The following CCM2L variants were observed in gnomAD, a reference collection of about 807,000 sequenced individuals.
The protein encoded by CCM2L is CCM2 like scaffold protein, also known as cerebral cavernous malformations 2 protein-like.
Under a neutral mutation model 54.1 loss-of-function variants are expected in CCM2L, and 36 were observed. That is an observed-to-expected ratio of 0.67 (90% CI 0.51 to 0.88). The LOEUF is 0.88. CCM2L is among the 40% of genes least tolerant of loss of function. The pLI is 0.00. For synonymous variants in CCM2L, 351 were observed against 359.3 expected (o/e 0.98, Z 0.26); for missense variants, 700 against 812.1 (o/e 0.86, Z 1.68).
chr20:32,017,665 A>G, intron 2 of CCM2L, 135 bp from the exon 3 acceptor site: 1 of 784,398 alleles, frequency 1.3e-6, no homozygotes, highest in Non-Finnish European at 2.2e-6. Flanking sequence ...GGGCTCAGTA[A>G]AAGTTATTAT....
chr20:32,018,193 GGGCGGGGGCGGGGGCGGGGGA>G, intron 4 of CCM2L, 31 bp downstream of exon 4: 1 of 222,608 alleles, frequency 4.5e-6, no homozygotes, highest in South Asian at 3.9e-5. Context: ...GGCGGGGGAG[GGGCGGGGGCGGGGGCGGGGGA>G]GGGGCGGGGG....
intron 1 of CCM2L, among the ~76,000 whole-genome samples, chr20:32,013,904 G>A (rs1368311318): frequency 2.0e-5 from 3 of 152,160 alleles, no homozygotes; most frequent in African/African-American, 7.2e-5. Context: ...GGTCTGGGAT[G>A]GGGCCTGATA....
chr20:32,020,387 C>T (rs1431189414), intron 5 of CCM2L, among the ~76,000 whole-genome samples: 2 of 152,204 alleles, frequency 1.3e-5, no homozygotes, highest in African/African-American at 4.8e-5. Flanking sequence ...CTGGTTCCTC[C>T]TCTTCTTCAG....
At chr20:32,012,099 T>C (rs531820835) in intron 1 of CCM2L, among the ~76,000 whole-genome samples, 23 of 152,078 alleles carry the variant, frequency 1.5e-4, no homozygotes, top group Non-Finnish European at 2.8e-4. Context: ...CCCAGATAGT[T>C]TCTTCTCATT....
At chr20:32,029,253 G>T in intron 8 of CCM2L, 129 bp downstream of exon 8, 2 of 1,338,098 alleles carry the variant, frequency 1.5e-6, no homozygotes, top group Non-Finnish European at 2.1e-6. Flanking sequence ...CAGGAAATGA[G>T]GTTAGGAGAG....
intron 2 of CCM2L, among the ~76,000 whole-genome samples, chr20:32,017,233 A>AT (rs2064748222): frequency 6.6e-6 from 1 of 152,180 alleles, no homozygotes; most frequent in Non-Finnish European, 1.5e-5. Context: ...TTAGTGCATC[A>AT]TTTTTCCTGA....
intron 6 of CCM2L, among the ~76,000 whole-genome samples, chr20:32,024,888 C>T (rs1199474286): frequency 6.6e-6 from 1 of 152,196 alleles, no homozygotes; most frequent in Non-Finnish European, 1.5e-5. Context: ...CTGGCCCCAC[C>T]TGGAGGGTAA....
intron 1 of CCM2L, among the ~76,000 whole-genome samples, chr20:32,014,417 C>T (rs965477746): frequency 3.9e-5 from 6 of 152,022 alleles, no homozygotes; most frequent in Admixed American, 2.6e-4. Context: ...AGGCTCCTGG[C>T]ACAACGCCTG....
In CCM2L at chr20:32,019,326, C is replaced by A; in HGVS notation, c.850C>A (p.His284Asn). ...CGGGGGAGGCAGCTGGGAGCGGCGC[C>A]ACCCCGGCCCCAACCCGCTCGACCC... is the stretch of plus-strand genomic sequence containing the variant. ...SGGGGSWERR[H>N]PGPNPLDPQD... Residue 284 changes from histidine (H) to asparagine (N), a missense_variant, in exon 5 of 10, where the codon CAC becomes AAC. Coordinates refer to ENST00000452892, the MANE Select transcript of CCM2L (RefSeq NM_001365692.1). 6 of 1,379,122 alleles carry A rather than the reference C, an allele frequency of 4.4e-6. No individual in the cohort carries two copies. Among genetic ancestry groups the A allele is most frequent in the Non-Finnish European group, 5.6e-6 (6 of 1,064,136 alleles). 85.4% of individuals were successfully genotyped at this position (1,379,122 alleles called of 1,614,324 possible).
At chr20:32,017,116 C>A (rs1220968196) in intron 2 of CCM2L, among the ~76,000 whole-genome samples, 1 of 152,152 alleles carries the variant, frequency 6.6e-6, no homozygotes, top group African/African-American at 2.4e-5. Flanking sequence ...CCATTGAACC[C>A]CAGCCTGAGT....
At chr20:32,024,581 C>T (rs1370397848) in intron 6 of CCM2L, among the ~76,000 whole-genome samples, 1 of 152,172 alleles carries the variant, frequency 6.6e-6, no homozygotes, top group Non-Finnish European at 1.5e-5. Flanking sequence ...AATCCCAGCA[C>T]TTTGGGAGGC....
chr20:32,024,792 A>T (rs550170068), intron 6 of CCM2L, among the ~76,000 whole-genome samples: 1 of 152,302 alleles, frequency 6.6e-6, no homozygotes, highest in African/African-American at 2.4e-5. Context: ...ACACCACTGC[A>T]CTCCAGCCTG....
chr20:32,024,466 G>C (rs2122354904), intron 6 of CCM2L, among the ~76,000 whole-genome samples: 1 of 152,306 alleles, frequency 6.6e-6, no homozygotes, highest in East Asian at 1.9e-4. Context: ...AACCAGAGGT[G>C]GCCTGTCTTC....
chr20:32,028,092 T>C (rs901396243), intron 7 of CCM2L: 1 of 152,054 alleles, frequency 6.6e-6, no homozygotes, highest in African/African-American at 2.4e-5. Context: ...AACTGAGGCT[T>C]GGAGGATGAA....
intron 5 of CCM2L, among the ~76,000 whole-genome samples, chr20:32,019,810 G>C (rs143549573): frequency 1.1e-3 from 174 of 152,216 alleles, no homozygotes; most frequent in Middle Eastern, 6.8e-3. Context: ...TACAACTACT[G>C]TATTCCCATT....
chr20:32,030,221 CAT>C (rs1330486222), intron 9 of CCM2L, among the ~76,000 whole-genome samples: 1 of 152,156 alleles, frequency 6.6e-6, no homozygotes, highest in Non-Finnish European at 1.5e-5. Context: ...AATAAGCTGA[CAT>C]GTGCTTGGCA....
chr20:32,030,144 G>T (rs1472543839), intron 9 of CCM2L, among the ~76,000 whole-genome samples: 1 of 152,170 alleles, frequency 6.6e-6, no homozygotes, highest in Non-Finnish European at 1.5e-5. Context: ...GCTCAGAAAG[G>T]CTAAGGAACA....
chr20:32,018,156 A>G lies in CCM2L; in HGVS notation c.460A>G (p.Lys154Glu), dbSNP rs779419425. 1 of 1,358,274 alleles carries G rather than the reference A, an allele frequency of 7.4e-7. No homozygotes were observed. The highest frequency in any genetic ancestry group is 2.3e-5 in the Admixed American group (1 of 44,278). The allele number at this position is 1,358,274 out of a possible 1,614,324, so 84.1% of individuals were successfully genotyped here. ...CGACGCGCTGCACCTGCTAGTGCTCAAGACCGGTGCGGCGGGAGGGGGCGG... is the reference window on the plus strand; with the variant it reads ...CGACGCGCTGCACCTGCTAGTGCTCGAGACCGGTGCGGCGGGAGGGGGCGG... ...QDDALHLLVL[K>E]TGLGVDPVPA... Residue 154 changes from lysine to glutamate, a missense_variant, in exon 4 of 10, where the codon AAG becomes GAG. By Grantham distance (56) the Lys-to-Glu change is moderately conservative. Coordinates refer to ENST00000452892, the MANE Select transcript of CCM2L (RefSeq NM_001365692.1).
intron 1 of CCM2L, among the ~76,000 whole-genome samples, chr20:32,013,323 T>G (rs946069617): frequency 1.3e-5 from 2 of 152,078 alleles, no homozygotes; most frequent in Non-Finnish European, 2.9e-5. Flanking sequence ...ATAAAAAATT[T>G]TATGCCTGGG....
Sources: allele counts gnomAD v4.1 joint callset (sites outside exome capture counted in the v4.1 genomes callset), GRCh38; gene constraint gnomAD v4.1.1; transcripts MANE v1.5; gene names NCBI Gene and HGNC (gene_info 2026-07-23, HGNC 2026-07-21).